Variants in PAPPA observed in about 807,000 individuals in gnomAD.
The protein encoded by PAPPA is pappalysin 1.
PAPPA carries 60 observed loss-of-function variants against 164.0 expected under a neutral mutation model. The ratio of observed to expected loss-of-function variants is 0.37; its 90% CI spans 0.30 to 0.45. PAPPA has a LOEUF of 0.45. PAPPA is among the 20% of genes least tolerant of loss of function. PAPPA has a pLI of 1.00. For missense variants in PAPPA, 1,782 were observed against 2,087.3 expected (o/e 0.85, Z 2.85); for synonymous variants, 875 against 814.1 (o/e 1.07, Z -1.27).
At position 116,352,882 on chromosome 9, in the gene PAPPA, T is replaced by C. The variant is rs1588016766; in HGVS notation, c.4141T>C (p.Tyr1381His). 6.2e-7 allele frequency: 1 copy of C among 1,614,064 alleles called. No homozygotes were observed. Residue 1381 changes from tyrosine to histidine, a missense_variant, in exon 16 of 22, where the codon TAC (tyrosine) becomes CAC (histidine). By Grantham distance (83) the Tyr-to-His change is moderately conservative (BLOSUM62 2). Coordinates refer to ENST00000328252, the MANE Select transcript of PAPPA (RefSeq NM_002581.5). ...SFCKYKCKPG[Y>H]HVPGSSRKSK... ...CTGCAAATACAAATGCAAGCCTGGA[T>C]ACCATGTGCCTGGATCCTCTCGGAA... is the stretch of plus-strand genomic sequence containing the variant.
intron 1 of PAPPA, among the ~76,000 whole-genome samples, chr9:116,167,240 G>A (rs1188649288): frequency 6.6e-6 from 1 of 152,114 alleles, no homozygotes; most frequent in Non-Finnish European, 1.5e-5. Context: ...AACATAAAAT[G>A]GCATAGTGTT....
intron 3 of PAPPA, among the ~76,000 whole-genome samples, chr9:116,208,585 C>T (rs1428076575): frequency 1.3e-5 from 2 of 152,166 alleles, no homozygotes; most frequent in East Asian, 1.9e-4. Flanking sequence ...AAGAATGAAT[C>T]GTGATGACTC....
At chr9:116,312,262 T>G (rs1039895126) in intron 10 of PAPPA, among the ~76,000 whole-genome samples, 3 of 151,600 alleles carry the variant, frequency 2.0e-5, no homozygotes, top group African/African-American at 4.8e-5. Flanking sequence ...GTTCTTGTCT[T>G]TCATTTTCTT....
intron 4 of PAPPA, among the ~76,000 whole-genome samples, chr9:116,212,305 A>C (rs1844318044): frequency 6.6e-6 from 1 of 152,132 alleles, no homozygotes; most frequent in South Asian, 2.1e-4. Context: ...TTATGACATG[A>C]GATTGAGTAT....
intron 21 of PAPPA, among the ~76,000 whole-genome samples, chr9:116,385,020 A>C (rs933291230): frequency 4.6e-5 from 7 of 151,822 alleles, no homozygotes; most frequent in African/African-American, 1.2e-4. Flanking sequence ...CATTGTGGGA[A>C]TATGAAGTCA....
At chr9:116,274,096 A>T (rs1191180416) in intron 9 of PAPPA, among the ~76,000 whole-genome samples, 2 of 149,690 alleles carry the variant, frequency 1.3e-5, no homozygotes, top group Admixed American at 6.7e-5. Context: ...AAAAAAAAAA[A>T]GATAGCTCCT....
At chr9:116,199,851 C>A (rs962542639) in intron 2 of PAPPA, among the ~76,000 whole-genome samples, 1 of 152,044 alleles carries the variant, frequency 6.6e-6, no homozygotes, top group Non-Finnish European at 1.5e-5. Context: ...GAGGAGCCAG[C>A]ATATGCAGAA....
chr9:116,331,366 A>C lies in PAPPA; in HGVS notation c.3261+9A>C. 6.6e-7 allele frequency: 1 copy of C among 1,509,292 alleles called. No homozygotes were observed. The highest frequency in any genetic ancestry group is 9.2e-7 in the Non-Finnish European group (1 of 1,084,358). The allele number at this position is 1,509,292 out of a possible 1,614,324, so 93.5% of individuals were successfully genotyped here. A position where few individuals can be genotyped will look rare whatever the true frequency, so the allele number is the denominator to read the frequency against. ...CCACTTTTTGGCTCCGGGTAAGCTG[A>C]AGCTCTGAGAGCTTTGGAATCTCCA... On this transcript the variant is annotated intron_variant, in intron 11 of 21. Transcript: ENST00000328252.
Position 116,154,406 on chromosome 9 carries a change from G to A in PAPPA, c.234G>A (p.Arg78=), listed in dbSNP as rs530352147. 7 of 1,180,774 alleles carry A rather than the reference G, an allele frequency of 5.9e-6. No homozygotes were observed. In the South Asian group the frequency reaches 9.4e-5, roughly 16 times the overall value. The allele number at this position is 1,180,774 out of a possible 1,614,324, so 73.1% of individuals were successfully genotyped here. The change falls in exon 1 of 22, where the codon CGG becomes CGA. Residue 78 remains arginine, a synonymous_variant. Coordinates refer to ENST00000328252, the MANE Select transcript of PAPPA (RefSeq NM_002581.5). This position sits in a 1 kb window ranked among gnomAD's most constrained non-coding sequence, Gnocchi z 5.2. ...AWEAVRVPRR[R]QQREARGATE... is the part of the protein sequence containing the mutation. ...AAGCCGTGCGCGTCCCCCGGCGGCG[G>A]CAGCAGCGGGAGGCGAGGGGCGCCA...
intron 20 of PAPPA, among the ~76,000 whole-genome samples, chr9:116,380,185 G>T (rs1177683006): frequency 6.6e-6 from 1 of 152,216 alleles, no homozygotes; most frequent in Non-Finnish European, 1.5e-5. Flanking sequence ...ATAAGGTCTG[G>T]AGGGGTAGGA....
intron 18 of PAPPA, among the ~76,000 whole-genome samples, chr9:116,364,840 T>C (rs1234390693): frequency 2.0e-5 from 3 of 152,122 alleles, no homozygotes; most frequent in African/African-American, 7.2e-5. Flanking sequence ...GAAATCTATA[T>C]GATATTGCAG....
intron 1 of PAPPA, among the ~76,000 whole-genome samples, chr9:116,166,322 T>A (rs767383617): frequency 6.6e-6 from 1 of 152,224 alleles, no homozygotes; most frequent in Non-Finnish European, 1.5e-5. Context: ...CTCTCAGCCC[T>A]GTGCCTGTTT....
rs149618847 is a variant in PAPPA, at chr9:116,158,051, C to T, written c.415+3464C>T. Among the ~76,000 whole-genome samples the T allele has an allele frequency of 8.3e-3, 1,261 of 152,314 alleles. 13 individuals carry two copies. The highest frequency in any genetic ancestry group is 0.02 in the Middle Eastern group (6 of 294). ...CCCCACAAGTACTGCCCTCCTCCCA[C>T]CCCTGTCCCACTCCCCTTGCCTTAG... On this transcript the variant is annotated intron_variant, in intron 1 of 21. Coordinates refer to ENST00000328252, the MANE Select transcript of PAPPA (RefSeq NM_002581.5).
intron 13 of PAPPA, among the ~76,000 whole-genome samples, chr9:116,341,707 A>C (rs774633834): frequency 5.9e-5 from 9 of 152,188 alleles, no homozygotes; most frequent in Non-Finnish European, 1.3e-4. Flanking sequence ...CTATATTCCC[A>C]ATGTATAGAA....
intron 10 of PAPPA, among the ~76,000 whole-genome samples, chr9:116,309,131 G>C (rs549144363): frequency 6.6e-6 from 1 of 151,120 alleles, no homozygotes; most frequent in South Asian, 2.1e-4. Flanking sequence ...GCTGAAGTGC[G>C]GTGGCACAAT....
rs116449466 is a variant in PAPPA at position 116,339,984 on chromosome 9, C to T, written c.3612-4559C>T. ...CATATAGATAAGAAGAAAAGAAAAA[C>T]GTTATTTAAGTATCTGATCAGCTCT... On this transcript the variant is annotated intron_variant, in intron 13 of 21. Transcript: ENST00000328252. Among the ~76,000 whole-genome samples the T allele has an allele frequency of 8.0e-3, 1,224 of 152,156 alleles. 15 individuals carry two copies. Among genetic ancestry groups the T allele is most frequent in the African/African-American group, 0.028 (1,176 of 41,514 alleles).
chr9:116,301,938 A>G (rs777624615), intron 9 of PAPPA, among the ~76,000 whole-genome samples: 1 of 152,208 alleles, frequency 6.6e-6, no homozygotes, highest in Non-Finnish European at 1.5e-5. Flanking sequence ...TCCCTTGTAA[A>G]TCAGTTCATG....
intron 10 of PAPPA, chr9:116,318,153 T>G (rs1397224260): frequency 6.6e-6 from 1 of 152,176 alleles, no homozygotes; most frequent in Non-Finnish European, 1.5e-5. Context: ...CATTTGATAT[T>G]AAGATCTTGC....
At chr9:116,159,022 T>A (rs1216815488) in intron 1 of PAPPA, among the ~76,000 whole-genome samples, 1 of 152,204 alleles carries the variant, frequency 6.6e-6, no homozygotes, top group Admixed American at 6.5e-5. Flanking sequence ...TCTCTATGTG[T>A]CAACCATATA....
Sources: gnomAD v4.1 joint callset for allele counts (sites outside exome capture counted in the v4.1 genomes callset) on GRCh38, gnomAD v4.1.1 for gene constraint, Gnocchi (gnomAD v3.1) non-coding constraint, MANE v1.5 for transcripts, NCBI Gene and HGNC (gene_info 2026-07-23, HGNC 2026-07-21) for gene names.